CNTN5: variants seen among roughly 807,000 people sequenced by gnomAD.
CNTN5 encodes the protein contactin-5.
A neutral mutation model predicts 129.1 loss-of-function variants in CNTN5; 77 were observed. The observed-to-expected ratio is 0.60, with a 90% CI of 0.50 to 0.72. The LOEUF (loss-of-function observed/expected upper bound fraction) is 0.72. Ranked by LOEUF, CNTN5 falls within the 30% of genes least tolerant of loss-of-function variation. The pLI is 0.00. For missense variants in CNTN5, 1,478 were observed against 1,328.8 expected, an observed-to-expected ratio of 1.11 and a Z score of -1.75; for synonymous variants, 509 against 465.6, an observed-to-expected ratio of 1.09 and a Z score of -1.20.
chr11:100,354,627 G>C (rs941212138), intron 24 of CNTN5, among the ~76,000 whole-genome samples: 2 of 151,598 alleles, frequency 1.3e-5, no homozygotes, highest in African/African-American at 4.8e-5. Context: ...TTAATGATGA[G>C]GATAAGTTCT....
intron 3 of CNTN5, among the ~76,000 whole-genome samples, chr11:99,782,918 G>T (rs1227440720): frequency 6.6e-6 from 1 of 151,696 alleles, no homozygotes; most frequent in Non-Finnish European, 1.5e-5. Context: ...ATAGGCATGG[G>T]CAAGGACTCC....
At chr11:99,852,808 C>T (rs1947914309) in intron 6 of CNTN5, among the ~76,000 whole-genome samples, 1 of 152,172 alleles carries the variant, frequency 6.6e-6, no homozygotes, top group African/African-American at 2.4e-5. Context: ...CTGTATACAT[C>T]TTCTGACCTT....
At chr11:100,191,756 C>A (rs1427129665) in intron 14 of CNTN5, among the ~76,000 whole-genome samples, 11 of 151,730 alleles carry the variant, frequency 7.2e-5, no homozygotes. Flanking sequence ...TTTTTATATG[C>A]CTTTATTTTA....
chr11:100,317,189 C>T (rs1436856146), intron 21 of CNTN5, among the ~76,000 whole-genome samples: 1 of 152,184 alleles, frequency 6.6e-6, no homozygotes, highest in Non-Finnish European at 1.5e-5. Flanking sequence ...ATTTTATGAT[C>T]TGACTCTAAT....
chr11:100,340,982 A>AT lies in CNTN5; in HGVS notation c.2918-109dup, dbSNP rs1430983923. The stretch of plus-strand genomic sequence containing the variant: ...TGACTCCAGCTGGAAGGAAGCCTAG[A>AT]TTGCCAGCCAACTACTAAGCAGGAG... On this transcript the variant is annotated intron_variant, in intron 22 of 24. Transcript: ENST00000524871. The AT allele has an allele frequency of 5.0e-5, 40 of 799,896 alleles. No homozygotes were observed. In the African/African-American group the frequency reaches 6.0e-4, roughly 12 times the overall value. 49.5% of individuals were successfully genotyped at this position (799,896 alleles called of 1,614,324 possible).
chr11:100,028,129 C>A (rs1941520455), intron 9 of CNTN5, among the ~76,000 whole-genome samples: 1 of 151,992 alleles, frequency 6.6e-6, no homozygotes, highest in African/African-American at 2.4e-5. Context: ...AGAATCCTTT[C>A]TCAGAAAGAG....
At chr11:99,621,902 A>G (rs917898895) in intron 3 of CNTN5, among the ~76,000 whole-genome samples, 1 of 152,186 alleles carries the variant, frequency 6.6e-6, no homozygotes, top group African/African-American at 2.4e-5. Flanking sequence ...TTAAGCAGAA[A>G]TGTTGACCAC....
intron 6 of CNTN5, among the ~76,000 whole-genome samples, chr11:99,859,504 C>T (rs1012672676): frequency 3.3e-5 from 5 of 152,124 alleles, no homozygotes; most frequent in African/African-American, 1.2e-4. Context: ...CAGCCTTCCC[C>T]CCAACCCCAC....
intron 3 of CNTN5, among the ~76,000 whole-genome samples, chr11:99,591,359 A>G: frequency 1.2e-5 from 1 of 83,474 alleles, no homozygotes; most frequent in Non-Finnish European, 2.3e-5. Flanking sequence ...TTTTTTTGAG[A>G]CAGAATCTTG....
At chr11:99,764,039 T>C (rs1024916713) in intron 3 of CNTN5, among the ~76,000 whole-genome samples, 3 of 152,128 alleles carry the variant, frequency 2.0e-5, no homozygotes, top group African/African-American at 7.2e-5. Context: ...AGTAGTATAC[T>C]GGAAATGATA....
intron 1 of CNTN5, among the ~76,000 whole-genome samples, chr11:99,305,268 G>T (rs1864823604): frequency 6.6e-6 from 1 of 152,186 alleles, no homozygotes; most frequent in Non-Finnish European, 1.5e-5. Flanking sequence ...ACTCAGTAAA[G>T]TGTAAAGTGT....
At chr11:99,664,825 C>T (rs1952724508) in intron 3 of CNTN5, among the ~76,000 whole-genome samples, 1 of 151,680 alleles carries the variant, frequency 6.6e-6, no homozygotes, top group African/African-American at 2.4e-5. Context: ...CATGGATCTT[C>T]CAGGGTACCT....
chr11:100,007,746 T>C (rs1419753057), intron 9 of CNTN5, among the ~76,000 whole-genome samples: 2 of 152,072 alleles, frequency 1.3e-5, no homozygotes, highest in East Asian at 3.8e-4. Flanking sequence ...TCTTATCATT[T>C]GTGTTTTCAC....
intron 3 of CNTN5, among the ~76,000 whole-genome samples, chr11:99,671,811 G>T (rs1953056687): frequency 6.6e-6 from 1 of 152,080 alleles, no homozygotes; most frequent in Admixed American, 6.6e-5. Context: ...TATTCGAGTA[G>T]AAAATAAATT....
intron 17 of CNTN5, among the ~76,000 whole-genome samples, chr11:100,261,921 T>A (rs975215910): frequency 6.6e-6 from 1 of 152,108 alleles, no homozygotes; most frequent in African/African-American, 2.4e-5. Flanking sequence ...CCAAAAGCAA[T>A]GGCAACAAAA....
chr11:99,312,288 G>T (rs893613868), intron 1 of CNTN5, among the ~76,000 whole-genome samples: 1 of 152,092 alleles, frequency 6.6e-6, no homozygotes, highest in Non-Finnish European at 1.5e-5. Context: ...AAACACCGGG[G>T]TTAAAGACAA....
At chr11:99,753,987 C>CAAAA (rs202219500) in intron 3 of CNTN5, among the ~76,000 whole-genome samples, 12 of 125,064 alleles carry the variant, frequency 9.6e-5, no homozygotes, top group Non-Finnish European at 3.2e-5. Flanking sequence ...GGCACCCTGC[C>CAAAA]AAAAAAAAAA....
chr11:99,696,270 C>A (rs1954265725), intron 3 of CNTN5, among the ~76,000 whole-genome samples: 1 of 152,060 alleles, frequency 6.6e-6, no homozygotes, highest in Non-Finnish European at 1.5e-5. Context: ...ATATTATAAC[C>A]AAGCATACTC....
chr11:99,364,922 A>G (rs1423912061), intron 2 of CNTN5, among the ~76,000 whole-genome samples: 1 of 152,144 alleles, frequency 6.6e-6, no homozygotes, highest in Non-Finnish European at 1.5e-5. Context: ...CACGTCTTAA[A>G]TAGATCACTC....
Sources: gnomAD v4.1 joint callset for allele counts (sites outside exome capture counted in the v4.1 genomes callset) on GRCh38, gnomAD v4.1.1 for gene constraint, MANE v1.5 for transcripts, NCBI Gene and HGNC (gene_info 2026-07-23, HGNC 2026-07-21) for gene names.